VWA8: variants seen among roughly 807,000 people sequenced by gnomAD.
VWA8 encodes von Willebrand factor A domain-containing protein 8.
A neutral mutation model predicts 241.5 loss-of-function variants in VWA8; 221 were observed. The observed-to-expected ratio is 0.91, with a 90% CI of 0.82 to 1.02. The LOEUF (loss-of-function observed/expected upper bound fraction) is 1.02. VWA8 is among the 50% of genes least tolerant of loss of function. VWA8 has a pLI of 0.00. For missense variants in VWA8, 2,322 were observed against 2,328.7 expected, an observed-to-expected ratio of 1.00 and a Z score of 0.06; for synonymous variants, 852 against 827.1, an observed-to-expected ratio of 1.03 and a Z score of -0.52.
At chr13:41,623,674 C>T (rs193008025) in intron 37 of VWA8, among the ~76,000 whole-genome samples, 147 of 152,310 alleles carry the variant, frequency 9.7e-4, no homozygotes, top group Admixed American at 6.3e-3. Flanking sequence ...CACTCATACT[C>T]TTGTGCAAAC....
intron 14 of VWA8, among the ~76,000 whole-genome samples, chr13:41,825,341 G>T (rs1871134065): frequency 1.3e-5 from 2 of 152,162 alleles, no homozygotes; most frequent in African/African-American, 4.8e-5. Flanking sequence ...GGAGCCTAGA[G>T]AGTGAATGAC....
intron 24 of VWA8, among the ~76,000 whole-genome samples, chr13:41,721,983 G>C (rs2045396437): frequency 6.6e-6 from 1 of 152,074 alleles, no homozygotes; most frequent in South Asian, 2.1e-4. Context: ...CATGCAAACA[G>C]AGTTTAGATA....
chr13:41,946,295 G>A (rs1877847936), intron 2 of VWA8, among the ~76,000 whole-genome samples: 2 of 151,800 alleles, frequency 1.3e-5, no homozygotes, highest in Admixed American at 1.3e-4. Flanking sequence ...CCTTTAAGCT[G>A]AAATGAAAGC....
At chr13:41,722,671 G>A (rs1166837067) in intron 24 of VWA8, among the ~76,000 whole-genome samples, 1 of 152,060 alleles carries the variant, frequency 6.6e-6, no homozygotes. Flanking sequence ...TGATTAATTA[G>A]GACAGTAGAA....
intron 26 of VWA8, among the ~76,000 whole-genome samples, chr13:41,706,508 G>A (rs1241557736): frequency 1.3e-5 from 2 of 152,104 alleles, no homozygotes; most frequent in African/African-American, 4.8e-5. Flanking sequence ...GCCAAACTGA[G>A]GTAAACCCAA....
chr13:41,760,379 T>C (rs1287136425), intron 21 of VWA8, among the ~76,000 whole-genome samples: 2 of 151,862 alleles, frequency 1.3e-5, no homozygotes, highest in Non-Finnish European at 2.9e-5. Flanking sequence ...CAAGAACTGA[T>C]CACTTAGTGA....
At chr13:41,649,854 C>G (rs973028711) in intron 37 of VWA8, among the ~76,000 whole-genome samples, 6 of 152,272 alleles carry the variant, frequency 3.9e-5, no homozygotes, top group African/African-American at 1.4e-4. Flanking sequence ...ATTCCACCAC[C>G]AGGGGTAGCT....
At chr13:41,759,667 T>C (rs2045725728) in intron 21 of VWA8, among the ~76,000 whole-genome samples, 1 of 151,818 alleles carries the variant, frequency 6.6e-6, no homozygotes, top group Non-Finnish European at 1.5e-5. Flanking sequence ...TGGCAACTGT[T>C]TTATAGTCCT....
chr13:41,854,035 C>A (rs1001586167), intron 12 of VWA8, among the ~76,000 whole-genome samples: 29 of 152,090 alleles, frequency 1.9e-4, no homozygotes, highest in African/African-American at 7.0e-4. Context: ...ATCTTAACAA[C>A]AGTTGCTGAA....
At chr13:41,766,439 G>A (rs981957416) in intron 20 of VWA8, among the ~76,000 whole-genome samples, 3 of 152,180 alleles carry the variant, frequency 2.0e-5, no homozygotes, top group Non-Finnish European at 4.4e-5. Flanking sequence ...GAATGCTGAA[G>A]GATTTGTAAC....
rs1876962898 is a variant in VWA8 at position 41,928,700 on chromosome 13, A to T, written c.242-16532T>A. Among the ~76,000 whole-genome samples the T allele has an allele frequency of 2.0e-5, 3 of 152,128 alleles. No individual in the cohort carries two copies. The South Asian group carries it at 6.2e-4, about 31-fold the overall frequency. ...AACTCGAAAAAAAGAAATAAACCCA[A>T]AGTTAGCAGAAGAAAGGAAATAAAC... On this transcript the variant is annotated intron_variant, in intron 2 of 44. Transcript: ENST00000379310.
chr13:41,754,392 G>A (rs1422564030), intron 21 of VWA8, among the ~76,000 whole-genome samples: 1 of 152,134 alleles, frequency 6.6e-6, no homozygotes, highest in Non-Finnish European at 1.5e-5. Flanking sequence ...CCAGCCACAT[G>A]GAACTGTAAG....
intron 19 of VWA8, 86 bp from the exon 20 acceptor site, chr13:41,778,142 A>T: frequency 1.2e-6 from 1 of 852,336 alleles, no homozygotes; most frequent in Non-Finnish European, 1.7e-6. Context: ...TTTATAGAAT[A>T]TAAATATCTA....
At chr13:41,836,491 G>A (rs1018626180) in intron 12 of VWA8, among the ~76,000 whole-genome samples, 2 of 152,100 alleles carry the variant, frequency 1.3e-5, no homozygotes, top group Non-Finnish European at 2.9e-5. Context: ...CTCCTAAAAA[G>A]CTGAAGCTAA....
chr13:41,691,876 T>C lies in VWA8; in HGVS notation c.3738A>G (p.Lys1246=), dbSNP rs371316163. Residue 1246 remains lysine, a splice_region_variant and synonymous_variant, in exon 31 of 45, where the codon AAA becomes AAG. Coordinates refer to ENST00000379310, the MANE Select transcript of VWA8 (RefSeq NM_015058.2). Reference sequence around the variant, plus strand: ...ATCCTCTATAATAAAGAGCTCACCCTTTTTCTTTGTAGAACACCAGCCAGT... The same window carrying C: ...ATCCTCTATAATAAAGAGCTCACCCCTTTTCTTTGTAGAACACCAGCCAGT... ...HKNWLVFYKE[K]GNSLTVLDVL... is the part of the protein sequence containing the mutation. The C allele has an allele frequency of 5.0e-6, 8 of 1,603,658 alleles. No individual in the cohort carries two copies. The highest frequency in any genetic ancestry group is 1.3e-5 in the African/African-American group (1 of 74,642).
intron 43 of VWA8, among the ~76,000 whole-genome samples, chr13:41,573,486 A>AAATAAATAATATATATAT: frequency 8.8e-6 from 1 of 113,614 alleles, no homozygotes; most frequent in African/African-American, 3.4e-5. Context: ...AAAAAAAAAA[A>AAATAAATAATATATATAT]ATATATATAT....
intron 26 of VWA8, among the ~76,000 whole-genome samples, chr13:41,708,267 AG>A (rs1270000726): frequency 6.6e-6 from 1 of 152,122 alleles, no homozygotes; most frequent in African/African-American, 2.4e-5. Flanking sequence ...AGGCTGAGGC[AG>A]GAGAATTGCT....
intron 37 of VWA8, among the ~76,000 whole-genome samples, chr13:41,649,086 G>A (rs1383005157): frequency 6.6e-6 from 1 of 152,162 alleles, no homozygotes; most frequent in African/African-American, 2.4e-5. Flanking sequence ...TTGGGAGGCT[G>A]AGGCACGAGA....
At chr13:41,671,505 C>T (rs1044258882) in intron 36 of VWA8, among the ~76,000 whole-genome samples, 1 of 152,156 alleles carries the variant, frequency 6.6e-6, no homozygotes, top group Admixed American at 6.6e-5. Context: ...TCTAAACTTG[C>T]TATAAAGAAT....
Sources: gnomAD v4.1 joint callset for allele counts (sites outside exome capture counted in the v4.1 genomes callset) on GRCh38, gnomAD v4.1.1 for gene constraint, MANE v1.5 for transcripts, NCBI Gene and HGNC (gene_info 2026-07-23, HGNC 2026-07-21) for gene names.